AOAH: variants seen among roughly 807,000 people sequenced by gnomAD.
The protein encoded by AOAH is acyloxyacyl hydrolase.
A neutral mutation model predicts 92.2 loss-of-function variants in AOAH; 64 were observed. The observed-to-expected ratio is 0.69, with a 90% CI of 0.57 to 0.86. AOAH has a LOEUF of 0.86. Among genes scored for constraint, AOAH ranks in the 40% least tolerant of loss-of-function variants. The probability of loss-of-function intolerance (pLI) is 0.00; values close to 1 mark genes in which losing one functional copy is unlikely to be tolerated. For missense variants in AOAH, 656 were observed against 694.6 expected, an observed-to-expected ratio of 0.94 and a Z score of 0.62; for synonymous variants, 263 against 254.5, an observed-to-expected ratio of 1.03 and a Z score of -0.32.
chr7:36,616,086 G>A lies in AOAH; in HGVS notation c.846+294C>T, dbSNP rs969496929. 5.9e-5 allele frequency among the ~76,000 whole-genome samples: 9 copies of A among 152,318 alleles called. No homozygotes were observed. The South Asian group carries it at 6.2e-4, about 11-fold the overall frequency. ...CGGAGTGCCTCATCCTGACCTCCAC[G>A]GGGAAGCCGGCCCGGTGGGCTTTGT... On this transcript the variant is annotated intron_variant, in intron 11 of 20. Coordinates refer to ENST00000617537, the MANE Select transcript of AOAH (RefSeq NM_001637.4).
At chr7:36,616,853 G>C (rs1422665758) in intron 10 of AOAH, among the ~76,000 whole-genome samples, 2 of 152,142 alleles carry the variant, frequency 1.3e-5, no homozygotes, top group African/African-American at 2.4e-5. Context: ...TCACTTTAAG[G>C]GTTAATGATC....
chr7:36,559,811 G>T (rs1787123370), intron 13 of AOAH, among the ~76,000 whole-genome samples: 1 of 152,024 alleles, frequency 6.6e-6, no homozygotes, highest in Non-Finnish European at 1.5e-5. Context: ...TTTTTCCCAA[G>T]ACCAATGTCT....
At chr7:36,650,129 T>C (rs1323090054) in intron 4 of AOAH, among the ~76,000 whole-genome samples, 1 of 148,344 alleles carries the variant, frequency 6.7e-6, no homozygotes, top group Non-Finnish European at 1.5e-5. Context: ...CACCACCGTC[T>C]TGGAAGCGGC....
chr7:36,615,942 C>T (rs1307626593), intron 11 of AOAH, among the ~76,000 whole-genome samples: 4 of 151,694 alleles, frequency 2.6e-5, no homozygotes, highest in Non-Finnish European at 4.4e-5. Context: ...GAATGGATGG[C>T]GGGCTTGTCT....
chr7:36,600,276 T>C (rs1790455164), intron 11 of AOAH, among the ~76,000 whole-genome samples: 1 of 152,190 alleles, frequency 6.6e-6, no homozygotes, highest in Admixed American at 6.5e-5. Flanking sequence ...TCAGATTGGA[T>C]ATTCCCTCTA....
At chr7:36,602,319 C>T (rs1418971439) in intron 11 of AOAH, among the ~76,000 whole-genome samples, 1 of 152,062 alleles carries the variant, frequency 6.6e-6, no homozygotes, top group Admixed American at 6.5e-5. Flanking sequence ...ATTACTTAAG[C>T]TCTAACCCTA....
At chr7:36,577,892 A>C (rs1232364326) in intron 12 of AOAH, among the ~76,000 whole-genome samples, 1 of 152,192 alleles carries the variant, frequency 6.6e-6, no homozygotes, top group Non-Finnish European at 1.5e-5. Flanking sequence ...ACAATCACCA[A>C]TTATTAAGTG....
chr7:36,637,948 T>TTTATC (rs1265465866), intron 4 of AOAH, 38 bp from the exon 5 acceptor site: 2 of 1,524,308 alleles, frequency 1.3e-6, no homozygotes, highest in Non-Finnish European at 1.8e-6. Context: ...CAACTCATGT[T>TTTATC]TTATCTTTTC....
intron 16 of AOAH, among the ~76,000 whole-genome samples, chr7:36,535,245 A>C (rs1269460284): frequency 6.6e-6 from 1 of 151,968 alleles, no homozygotes; most frequent in Non-Finnish European, 1.5e-5. Context: ...AGCTCCTCTG[A>C]AGATCAAAGG....
chr7:36,698,551 T>C (rs1797849905), intron 1 of AOAH, among the ~76,000 whole-genome samples: 1 of 152,106 alleles, frequency 6.6e-6, no homozygotes, highest in African/African-American at 2.4e-5. Flanking sequence ...TTTTAATATG[T>C]GTTTAAAGTT....
chr7:36,710,612 G>A (rs775581995), intron 1 of AOAH, among the ~76,000 whole-genome samples: 4 of 152,190 alleles, frequency 2.6e-5, no homozygotes, highest in Admixed American at 6.5e-5. Flanking sequence ...AATTTGTGTT[G>A]ATTTAAGCTG....
At chr7:36,518,785 A>T (rs1318394719) in intron 20 of AOAH, among the ~76,000 whole-genome samples, 1 of 152,208 alleles carries the variant, frequency 6.6e-6, no homozygotes, top group Non-Finnish European at 1.5e-5. Context: ...GAGTTCATCA[A>T]GTTAGCTTCT....
intron 13 of AOAH, among the ~76,000 whole-genome samples, chr7:36,568,818 T>G (rs909324495): frequency 2.0e-5 from 3 of 152,162 alleles, no homozygotes. Context: ...TTGTGCCCCT[T>G]TTCTAATTTC....
rs1296475702 is a variant in AOAH, at chr7:36,548,669, A to G, written c.1076T>C (p.Val359Ala). 6.2e-7 allele frequency: 1 copy of G among 1,613,554 alleles called. No homozygotes were observed. Among genetic ancestry groups the G allele is most frequent in the South Asian group, 1.1e-5 (1 of 91,070 alleles). The change falls in exon 15 of 21, where the codon GTG (valine) becomes GCG (alanine). Residue 359 changes from valine (V) to alanine (A), a missense_variant. Coordinates refer to ENST00000617537, the MANE Select transcript of AOAH (RefSeq NM_001637.4). ...KFIESLSRNK[V>A]LDYPAIVIYA... ...TATAACGATGGCGGGATAGTCCAAC[A>G]CCTTGTTTCTAGACAAGCTGAGAAG... is the stretch of plus-strand genomic sequence containing the variant.
In AOAH at chr7:36,516,972, TGGCATGCTTATCACC is replaced by T. The variant is rs1015329241; in HGVS notation, c.1600-3607_1600-3593del. 7.2e-5 allele frequency among the ~76,000 whole-genome samples: 11 copies of T among 152,236 alleles called. No homozygotes were observed. The highest frequency in any genetic ancestry group is 2.7e-4 in the African/African-American group (11 of 41,468). Reference sequence around the variant, plus strand: ...GAAAATATTGGGTCTGAAATGAGACTGGCATGCTTATCACCAAACTAGAGACTTGTGATAAAATGA... The same window carrying T: ...GAAAATATTGGGTCTGAAATGAGACTAAACTAGAGACTTGTGATAAAATGA... On this transcript the variant is annotated intron_variant, in intron 20 of 20. Transcript: ENST00000617537. This position sits in a 1 kb window ranked among gnomAD's most constrained non-coding sequence, Gnocchi z 5.0.
intron 6 of AOAH, among the ~76,000 whole-genome samples, chr7:36,624,971 T>A (rs1792541379): frequency 6.6e-6 from 1 of 152,122 alleles, no homozygotes; most frequent in African/African-American, 2.4e-5. Context: ...ACTGGTACCT[T>A]ATATTAAATC....
chr7:36,678,600 T>TGTGTGTGTGTGTGCGTGCGCGCGC (rs549317369), intron 2 of AOAH, among the ~76,000 whole-genome samples: 1 of 131,034 alleles, frequency 7.6e-6, no homozygotes, highest in Non-Finnish European at 1.7e-5. Context: ...TGTGTGTGTG[T>TGTGTGTGTGTGTGCGTGCGCGCGC]GCGCGCGCGC....
intron 20 of AOAH, among the ~76,000 whole-genome samples, chr7:36,518,173 C>A (rs1306405094): frequency 1.4e-5 from 2 of 142,100 alleles, no homozygotes; most frequent in Non-Finnish European, 3.2e-5. Context: ...TTCTGTGTCA[C>A]TAAAGGTAGA....
chr7:36,618,998 T>G (rs1409726393), intron 9 of AOAH, among the ~76,000 whole-genome samples: 2 of 152,200 alleles, frequency 1.3e-5, no homozygotes, highest in Non-Finnish European at 2.9e-5. Flanking sequence ...TTGGCACAGC[T>G]GGGACATCCT....
Sources: gnomAD v4.1 joint callset for allele counts (sites outside exome capture counted in the v4.1 genomes callset) on GRCh38, gnomAD v4.1.1 for gene constraint, Gnocchi (gnomAD v3.1) non-coding constraint, MANE v1.5 for transcripts, NCBI Gene and HGNC (gene_info 2026-07-23, HGNC 2026-07-21) for gene names.